Variants in PDK1 observed in about 807,000 individuals in gnomAD.
PDK1 encodes the protein pyruvate dehydrogenase kinase 1.
Under a neutral mutation model 54.2 loss-of-function variants are expected in PDK1, and 39 were observed. That is an observed-to-expected ratio of 0.72 (90% CI 0.56 to 0.94). The LOEUF (loss-of-function observed/expected upper bound fraction) is 0.94. PDK1 is among the 40% of genes least tolerant of loss of function. The pLI is 0.00. For missense variants in PDK1, 552 were observed against 566.0 expected (o/e 0.98, Z 0.25); for synonymous variants, 221 against 207.1 (o/e 1.07, Z -0.58).
chr2:172,574,020 C>A (rs1689441778), intron 8 of PDK1, among the ~76,000 whole-genome samples: 3 of 152,142 alleles, frequency 2.0e-5, no homozygotes, highest in Admixed American at 2.0e-4. Context: ...ACTCCAAAGT[C>A]TTGACGACTT....
chr2:172,615,108 C>T, the PDK1 span, among the ~76,000 whole-genome samples: 6 of 152,298 alleles, frequency 3.9e-5, no homozygotes, highest in African/African-American at 9.6e-5. Context: ...TGTTTACTGA[C>T]GTGCTCCCTG....
chr2:172,590,159 G>C (rs1340981962), intron 9 of PDK1, among the ~76,000 whole-genome samples: 3 of 152,150 alleles, frequency 2.0e-5, no homozygotes, highest in Non-Finnish European at 4.4e-5. Context: ...GAATGTGGCT[G>C]GAAATTTATG....
chr2:172,567,133 G>A (rs1200499542), intron 6 of PDK1, among the ~76,000 whole-genome samples, 200 bp downstream of exon 6: 2 of 152,064 alleles, frequency 1.3e-5, no homozygotes. Context: ...TTGGCTTTTT[G>A]TATCACATTT....
chr2:172,650,578 G>A, the PDK1 span, among the ~76,000 whole-genome samples: 1 of 152,036 alleles, frequency 6.6e-6, no homozygotes, highest in African/African-American at 2.4e-5. Context: ...CTATATTCAG[G>A]AGACCCATCT....
At chr2:172,653,329 G>A in the PDK1 span, among the ~76,000 whole-genome samples, 42 of 152,190 alleles carry the variant, frequency 2.8e-4, 1 homozygote, top group African/African-American at 9.4e-4. Flanking sequence ...TTCACCAGGC[G>A]CAGTGGCTCA....
At chr2:172,660,204 C>T in the PDK1 span, among the ~76,000 whole-genome samples, 7 of 136,862 alleles carry the variant, frequency 5.1e-5, no homozygotes, top group African/African-American at 1.6e-4. Flanking sequence ...ATTAACATGT[C>T]AGTGTATCGA....
chr2:172,656,048 C>A, the PDK1 span, among the ~76,000 whole-genome samples: 3 of 152,132 alleles, frequency 2.0e-5, no homozygotes, highest in Non-Finnish European at 4.4e-5. Context: ...ATAAACATCA[C>A]CTTATTTGTA....
At chr2:172,633,262 G>C in the PDK1 span, among the ~76,000 whole-genome samples, 1 of 151,586 alleles carries the variant, frequency 6.6e-6, no homozygotes, top group African/African-American at 2.4e-5. Flanking sequence ...TGTCCAGGCT[G>C]GTCTTAAATT....
chr2:172,651,323 C>T, the PDK1 span, among the ~76,000 whole-genome samples: 1 of 152,176 alleles, frequency 6.6e-6, no homozygotes, highest in Admixed American at 6.5e-5. Flanking sequence ...ACATTTAAAG[C>T]AGTTTGTAGA....
the PDK1 span, among the ~76,000 whole-genome samples, chr2:172,669,152 C>T: frequency 6.8e-6 from 1 of 147,966 alleles, no homozygotes; most frequent in Admixed American, 7.0e-5. Flanking sequence ...CTCCGCCTCC[C>T]GGGTTCACGC....
chr2:172,566,461 G>A (rs1688946454), intron 5 of PDK1, among the ~76,000 whole-genome samples: 1 of 152,126 alleles, frequency 6.6e-6, no homozygotes, highest in African/African-American at 2.4e-5. Context: ...GGAGGCTGAG[G>A]CAGGAGAATC....
the PDK1 span, among the ~76,000 whole-genome samples, chr2:172,618,620 A>G: frequency 6.6e-6 from 1 of 152,242 alleles, no homozygotes; most frequent in Non-Finnish European, 1.5e-5. Flanking sequence ...GAGCAGAATT[A>G]TGAAATCGTC....
chr2:172,613,883 C>T, the PDK1 span, among the ~76,000 whole-genome samples: 8 of 152,140 alleles, frequency 5.3e-5, no homozygotes, highest in Middle Eastern at 3.4e-3. Flanking sequence ...GCAGGAGCCC[C>T]GCCCTCCTGG....
intron 3 of PDK1, among the ~76,000 whole-genome samples, chr2:172,563,364 A>C (rs1688758511): frequency 1.3e-5 from 2 of 152,230 alleles, no homozygotes; most frequent in African/African-American, 4.8e-5. Context: ...TTAGTTTAAC[A>C]GTCTTGTTTT....
At chr2:172,623,457 G>A in the PDK1 span, among the ~76,000 whole-genome samples, 5 of 152,162 alleles carry the variant, frequency 3.3e-5, no homozygotes, top group Non-Finnish European at 7.4e-5. Flanking sequence ...AAAAACCAGT[G>A]ATTCAGAAAG....
At chr2:172,567,384 G>A (rs968902054) in intron 6 of PDK1, among the ~76,000 whole-genome samples, 5 of 152,134 alleles carry the variant, frequency 3.3e-5, no homozygotes, top group Non-Finnish European at 7.4e-5. Flanking sequence ...TGTCTCTGAT[G>A]GTTTTCTTTT....
the PDK1 span, among the ~76,000 whole-genome samples, chr2:172,715,315 T>A: frequency 2.6e-5 from 4 of 152,174 alleles, no homozygotes; most frequent in Non-Finnish European, 5.9e-5. Flanking sequence ...TGGAGCACTA[T>A]GCCTTGCCCA....
the PDK1 span, among the ~76,000 whole-genome samples, chr2:172,675,392 GA>G: frequency 6.6e-6 from 1 of 152,178 alleles, no homozygotes; most frequent in African/African-American, 2.4e-5. Context: ...GAATGCAAAA[GA>G]AAAATTGCTG....
chr2:172,699,484 T>TG, the PDK1 span, among the ~76,000 whole-genome samples: 1 of 151,654 alleles, frequency 6.6e-6, no homozygotes, highest in East Asian at 1.9e-4. Context: ...CTGACTTTTT[T>TG]TTTTTTTTTT....
Sources: gnomAD v4.1 joint callset for allele counts (sites outside exome capture counted in the v4.1 genomes callset) on GRCh38, gnomAD v4.1.1 for gene constraint, MANE v1.5 for transcripts, NCBI Gene and HGNC (gene_info 2026-07-23, HGNC 2026-07-21) for gene names.